Variants in PPM1E observed in about 807,000 individuals in gnomAD.
PPM1E encodes protein phosphatase, Mg2+/Mn2+ dependent 1E, also known as protein phosphatase 1E.
PPM1E carries 20 observed loss-of-function variants against 65.9 expected under a neutral mutation model. That is an observed-to-expected ratio of 0.30 (90% CI 0.21 to 0.44). PPM1E has a LOEUF of 0.44. Among genes scored for constraint, PPM1E ranks in the 20% least tolerant of loss-of-function variants. The pLI, the probability that PPM1E is intolerant of heterozygous loss-of-function variation, is 1.00. For missense variants in PPM1E, 713 were observed against 953.1 expected (o/e 0.75, Z 3.32); for synonymous variants, 352 against 374.9 (o/e 0.94, Z 0.70).
intron 1 of PPM1E, among the ~76,000 whole-genome samples, chr17:58,809,097 A>AT (rs202189224): frequency 4.0e-5 from 6 of 149,934 alleles, no homozygotes; most frequent in African/African-American, 9.8e-5. Flanking sequence ...AAGATTAACA[A>AT]TTTTTTTTTT....
chr17:58,831,883 A>T (rs543375056), intron 1 of PPM1E, among the ~76,000 whole-genome samples: 1 of 152,316 alleles, frequency 6.6e-6, no homozygotes, highest in East Asian at 1.9e-4. Context: ...AGATAAATAC[A>T]TGTGTGCAGT....
At chr17:58,909,439 G>T (rs2051597468) in intron 1 of PPM1E, among the ~76,000 whole-genome samples, 1 of 152,086 alleles carries the variant, frequency 6.6e-6, no homozygotes, top group Admixed American at 6.6e-5. Context: ...TTTCCTTTTT[G>T]TAGAGACAGG....
chr17:58,819,799 G>C (rs1349429889), intron 1 of PPM1E, among the ~76,000 whole-genome samples: 6 of 152,128 alleles, frequency 3.9e-5, no homozygotes, highest in Admixed American at 3.9e-4. Context: ...CACTTTGGGA[G>C]ACAGAGGTGG....
At chr17:58,977,284 AAC>A (rs1336503051) in intron 6 of PPM1E, among the ~76,000 whole-genome samples, 1 of 151,972 alleles carries the variant, frequency 6.6e-6, no homozygotes, top group Non-Finnish European at 1.5e-5. Flanking sequence ...CTCTACTAAA[AAC>A]ACAAAAATTA....
chr17:58,953,898 C>G (rs1395463615), intron 1 of PPM1E, among the ~76,000 whole-genome samples: 1 of 152,148 alleles, frequency 6.6e-6, no homozygotes, highest in Non-Finnish European at 1.5e-5. Flanking sequence ...CAGGCGTGTA[C>G]CACCACGCCC....
intron 1 of PPM1E, among the ~76,000 whole-genome samples, chr17:58,759,833 A>G (rs1049119117): frequency 6.6e-6 from 1 of 152,244 alleles, no homozygotes; most frequent in Non-Finnish European, 1.5e-5. Flanking sequence ...GTTACATTGA[A>G]TTGTGTGAAT....
At position 58,981,881 on chromosome 17, in the gene PPM1E, G is replaced by T. The variant is rs1167667873; in HGVS notation, c.*850G>T. The T allele has an allele frequency of 6.6e-6, 1 of 152,486 alleles. No individual in the cohort carries two copies. Among genetic ancestry groups the T allele is most frequent in the Non-Finnish European group, 1.5e-5 (1 of 68,032 alleles). The allele number at this position is 152,486 out of a possible 1,614,324, so 9.4% of individuals were successfully genotyped here. On this transcript the variant is annotated 3_prime_UTR_variant, in exon 7 of 7. Coordinates refer to ENST00000308249, the MANE Select transcript of PPM1E (RefSeq NM_014906.5). The stretch of plus-strand genomic sequence containing the variant: ...ACTGCTTTAACGGAGATGATGTCAG[G>T]TACAAATACACTATAGAGTCAAAAT...
intron 1 of PPM1E, among the ~76,000 whole-genome samples, chr17:58,890,263 A>AT (rs1448277387): frequency 6.6e-6 from 1 of 152,122 alleles, no homozygotes; most frequent in African/African-American, 2.4e-5. Context: ...TAACACAACT[A>AT]TTTTTTTCAT....
chr17:58,783,946 G>C (rs1199037583), intron 1 of PPM1E, among the ~76,000 whole-genome samples: 2 of 150,936 alleles, frequency 1.3e-5, no homozygotes, highest in Non-Finnish European at 3.0e-5. Flanking sequence ...CCTGTCCTCA[G>C]GTGATCCACC....
intron 1 of PPM1E, among the ~76,000 whole-genome samples, chr17:58,846,705 A>G (rs577329661): frequency 6.6e-6 from 1 of 152,256 alleles, no homozygotes; most frequent in East Asian, 1.9e-4. Context: ...AGTCTTTGCT[A>G]TTGTGAATAG....
chr17:58,942,156 C>T (rs947603114), intron 1 of PPM1E, among the ~76,000 whole-genome samples: 6 of 152,082 alleles, frequency 3.9e-5, no homozygotes, highest in East Asian at 1.9e-4. Context: ...GAGGCTGAGG[C>T]GGGAAGATCG....
intron 1 of PPM1E, among the ~76,000 whole-genome samples, chr17:58,841,747 G>T (rs143938278): frequency 6.6e-6 from 1 of 151,506 alleles, no homozygotes; most frequent in East Asian, 1.9e-4. Context: ...TTACTCTGTT[G>T]CCCAGGCTGG....
chr17:58,756,652 GCCCCCACGCCCGCC>G (rs2049769271), intron 1 of PPM1E, among the ~76,000 whole-genome samples, 191 bp downstream of exon 1: 1 of 21,372 alleles, frequency 4.7e-5, no homozygotes, highest in Admixed American at 2.7e-4. Context: ...GCCCGCCTCG[GCCCCCACGCCCGCC>G]TCGGCCCCCA....
At chr17:58,955,838 T>C (rs957137514) in intron 2 of PPM1E, 71 bp downstream of exon 2, 7 of 1,455,656 alleles carry the variant, frequency 4.8e-6, no homozygotes, top group Non-Finnish European at 6.4e-6. Context: ...ACAGAAAATA[T>C]CTGCAAAATA....
intron 1 of PPM1E, among the ~76,000 whole-genome samples, chr17:58,802,367 T>G (rs1305786782): frequency 6.6e-6 from 1 of 152,162 alleles, no homozygotes; most frequent in Non-Finnish European, 1.5e-5. Flanking sequence ...TTTCTGGGCT[T>G]TCTATTCTGT....
chr17:58,843,651 C>T (rs998042279), intron 1 of PPM1E, among the ~76,000 whole-genome samples: 3 of 151,496 alleles, frequency 2.0e-5, no homozygotes, highest in Admixed American at 1.3e-4. Flanking sequence ...ATGGTGAAAC[C>T]CTGTGTCTAA....
At chr17:58,816,782 A>T (rs1325824228) in intron 1 of PPM1E, among the ~76,000 whole-genome samples, 2 of 8,550 alleles carry the variant, frequency 2.3e-4, no homozygotes, top group South Asian at 3.4e-3. Context: ...ATATATATAT[A>T]TATATATATA....
chr17:58,762,470 A>G (rs2049830437), intron 1 of PPM1E, among the ~76,000 whole-genome samples: 1 of 152,168 alleles, frequency 6.6e-6, no homozygotes, highest in Non-Finnish European at 1.5e-5. Context: ...TTCAAAAAAA[A>G]AAAGTTTCTA....
chr17:58,931,083 A>AAG (rs1555620603), intron 1 of PPM1E, among the ~76,000 whole-genome samples: 10 of 141,436 alleles, frequency 7.1e-5, no homozygotes, highest in East Asian at 2.1e-4. Flanking sequence ...AAAAAAAAAA[A>AAG]AAAGAAAGAA....
Sources: allele counts gnomAD v4.1 joint callset (sites outside exome capture counted in the v4.1 genomes callset), GRCh38; gene constraint gnomAD v4.1.1; transcripts MANE v1.5; gene names NCBI Gene and HGNC (gene_info 2026-07-23, HGNC 2026-07-21).